Variants in HERC1 observed in about 807,000 individuals in gnomAD.
HERC1 encodes the protein HECT and RLD domain containing E3 ubiquitin protein ligase family member 1.
Under a neutral mutation model 554.3 loss-of-function variants are expected in HERC1, and 160 were observed. That is an observed-to-expected ratio of 0.29 (90% CI 0.25 to 0.33). The LOEUF (loss-of-function observed/expected upper bound fraction) is 0.33. HERC1 is among the 10% of genes least tolerant of loss of function. HERC1 has a pLI of 1.00. For synonymous variants in HERC1, 2,175 were observed against 2,131.7 expected (o/e 1.02, Z -0.56); for missense variants, 4,919 against 5,918.5 (o/e 0.83, Z 5.54).
chr15:63,788,843 C>T (rs141663885), intron 1 of HERC1, among the ~76,000 whole-genome samples: 1,624 of 147,576 alleles, frequency 0.011, 17 homozygotes, highest in Non-Finnish European at 0.015. Flanking sequence ...CCATTGCACT[C>T]CAGCCTGGGT....
intron 1 of HERC1, among the ~76,000 whole-genome samples, chr15:63,804,527 A>G (rs1232301508): frequency 6.6e-6 from 1 of 150,952 alleles, no homozygotes; most frequent in African/African-American, 2.4e-5. Context: ...TGGAAGTTGC[A>G]GTGAGCCGAG....
chr15:63,617,272 G>A (rs1201986644), intron 74 of HERC1, among the ~76,000 whole-genome samples: 2 of 151,932 alleles, frequency 1.3e-5, no homozygotes, highest in African/African-American at 4.8e-5. Context: ...TTGGTTTTTT[G>A]TCCTTGCAAT....
At chr15:63,675,632 C>T (rs2071158624) in intron 37 of HERC1, among the ~76,000 whole-genome samples, 1 of 152,088 alleles carries the variant, frequency 6.6e-6, no homozygotes, top group Non-Finnish European at 1.5e-5. Flanking sequence ...TCAGTGAGGA[C>T]TTCATTTCAT....
chr15:63,669,824 G>A (rs1233665808), intron 39 of HERC1, 126 bp from the exon 40 acceptor site: 10 of 742,944 alleles, frequency 1.3e-5, no homozygotes, highest in Non-Finnish European at 2.2e-5. Flanking sequence ...TTAATGGAGG[G>A]TGGGGAGAAA....
intron 25 of HERC1, among the ~76,000 whole-genome samples, chr15:63,700,708 C>CAAAAAAAAAA (rs11314964): frequency 7.9e-4 from 51 of 64,576 alleles, no homozygotes; most frequent in Non-Finnish European, 1.4e-3. Flanking sequence ...GACCCTGCCT[C>CAAAAAAAAAA]AAAAAAAAAA....
intron 26 of HERC1, among the ~76,000 whole-genome samples, chr15:63,697,340 A>AT (rs1269932275): frequency 6.6e-6 from 1 of 151,162 alleles, no homozygotes; most frequent in East Asian, 1.9e-4. Flanking sequence ...GGGTTGTCTG[A>AT]TTTTTTTCTC....
chr15:63,652,594 T>C, intron 51 of HERC1, 53 bp from the exon 52 acceptor site: 1 of 1,397,728 alleles, frequency 7.2e-7, no homozygotes, highest in Non-Finnish European at 9.8e-7. Flanking sequence ...ATGATTTTAT[T>C]ATTTGAAAAA....
chr15:63,686,345 G>C lies in HERC1; in HGVS notation c.6225+14C>G. 1.9e-6 allele frequency: 3 copies of C among 1,562,084 alleles called. No homozygotes were observed. Among genetic ancestry groups the C allele is most frequent in the Non-Finnish European group, 2.6e-6 (3 of 1,157,626 alleles). On this transcript the variant is annotated intron_variant, in intron 34 of 77. Transcript: ENST00000443617. ...AAAGACAAAATGCTAAAAACTATTA[G>C]ATTTTCTACGTACCTTCCACTGATA...
At position 63,713,335 on chromosome 15, in the gene HERC1, G is replaced by C; in HGVS notation, c.4463+18C>G. 1.2e-6 allele frequency: 2 copies of C among 1,601,586 alleles called. No individual in the cohort carries two copies. Among genetic ancestry groups the C allele is most frequent in the Non-Finnish European group, 1.7e-6 (2 of 1,169,966 alleles). On this transcript the variant is annotated intron_variant, in intron 23 of 77. Coordinates refer to ENST00000443617, the MANE Select transcript of HERC1 (RefSeq NM_003922.4). ...GGGAAGTGAGTAGGTCATGTTTTCA[G>C]TGTCTAGTCAGTCCCACCTGGTCAT...
chr15:63,665,191 A>G (rs1277378583), intron 42 of HERC1, among the ~76,000 whole-genome samples: 2 of 152,228 alleles, frequency 1.3e-5, no homozygotes, highest in African/African-American at 4.8e-5. Flanking sequence ...TAGATATTAA[A>G]AACTATAGAA....
intron 1 of HERC1, among the ~76,000 whole-genome samples, chr15:63,783,966 T>C (rs2076362923): frequency 6.6e-6 from 1 of 151,454 alleles, no homozygotes; most frequent in African/African-American, 2.4e-5. Flanking sequence ...CTCGGGAGGC[T>C]GAGCCAGGAG....
intron 2 of HERC1, among the ~76,000 whole-genome samples, chr15:63,768,323 G>A (rs1385910810): frequency 6.6e-6 from 1 of 152,232 alleles, no homozygotes; most frequent in Non-Finnish European, 1.5e-5. Context: ...AGAAGCCTAA[G>A]ATTCTGCATT....
chr15:63,749,823 T>C lies in HERC1; in HGVS notation c.1903-32A>G, dbSNP rs2075175418. On this transcript the variant is annotated intron_variant, in intron 8 of 77. Coordinates refer to ENST00000443617, the MANE Select transcript of HERC1 (RefSeq NM_003922.4). The surrounding 1 kb of genome is among the most constrained non-coding windows in gnomAD (Gnocchi z 4.1). ...AAAACAGAAATACGTTACACATAAC[T>C]TCCTGAGATGATTAGATTGTTGGCT... 5.4e-6 allele frequency: 8 copies of C among 1,493,608 alleles called. No homozygotes were observed. Among genetic ancestry groups the C allele is most frequent in the African/African-American group, 1.4e-5 (1 of 70,706 alleles). The allele number at this position is 1,493,608 out of a possible 1,614,324, so 92.5% of individuals were successfully genotyped here.
intron 32 of HERC1, among the ~76,000 whole-genome samples, chr15:63,690,166 CA>C (rs373716359): frequency 2.1e-3 from 165 of 77,824 alleles, no homozygotes; most frequent in East Asian, 9.3e-3. Flanking sequence ...GACTCCATCT[CA>C]AAAAAAAAAA....
chr15:63,767,255 G>A (rs1211629821), intron 2 of HERC1, among the ~76,000 whole-genome samples: 2 of 150,894 alleles, frequency 1.3e-5, no homozygotes, highest in South Asian at 2.1e-4. Context: ...CACCCGTCTC[G>A]GCCTCCCAAA....
In HERC1 at chr15:63,612,407, A is replaced by C; in HGVS notation, c.14244T>G (p.Asp4748Glu). 6.2e-7 allele frequency: 1 copy of C among 1,614,006 alleles called. No individual in the cohort carries two copies. The highest frequency in any genetic ancestry group is 8.5e-7 in the Non-Finnish European group (1 of 1,179,876). The change falls in exon 77 of 78, where the codon GAT becomes GAG. Residue 4748 changes from aspartate to glutamate, a missense_variant. Physicochemically the swap from Asp to Glu is conservative, Grantham distance 45 (BLOSUM62 2). This residue lies in a region of HERC1 where 284 missense variants were observed against 294.1 expected (regional missense o/e 0.97). Transcript: ENST00000443617. This position sits in a 1 kb window ranked among gnomAD's most constrained non-coding sequence, Gnocchi z 5.0. ...LKKVVRYREV[D>E]EQHQLVQWFW... ...ACCACTGCACCAGCTGATGCTGCTC[A>C]TCCACCTCACGGTACCGCACCACTT...
chr15:63,833,161 C>T (rs1218552327), intron 1 of HERC1, among the ~76,000 whole-genome samples: 3 of 152,204 alleles, frequency 2.0e-5, no homozygotes, highest in Non-Finnish European at 4.4e-5. Flanking sequence ...CATCATCATC[C>T]TCATCTCACG....
At chr15:63,832,292 T>C (rs577237085) in intron 1 of HERC1, among the ~76,000 whole-genome samples, 1 of 152,186 alleles carries the variant, frequency 6.6e-6, no homozygotes, top group Non-Finnish European at 1.5e-5. Flanking sequence ...TGTGTGTCTC[T>C]ATACATATAT....
At chr15:63,658,395 A>C in intron 48 of HERC1, 149 bp downstream of exon 48, 1 of 589,520 alleles carries the variant, frequency 1.7e-6, no homozygotes, top group Non-Finnish European at 2.8e-6. Flanking sequence ...CGATTGAGTG[A>C]ATAACAATGA....
Sources: allele counts gnomAD v4.1 joint callset (sites outside exome capture counted in the v4.1 genomes callset), GRCh38; gene constraint gnomAD v4.1.1; regional missense constraint gnomAD v4.1.1; non-coding constraint Gnocchi (gnomAD v3.1); transcripts MANE v1.5; gene names NCBI Gene and HGNC (gene_info 2026-07-23, HGNC 2026-07-21).